Variants in FAM47E observed in about 807,000 individuals in gnomAD.
FAM47E encodes protein FAM47E.
A neutral mutation model predicts 41.6 loss-of-function variants in FAM47E; 32 were observed. That is an observed-to-expected ratio of 0.77 (90% CI 0.58 to 1.03). The LOEUF (loss-of-function observed/expected upper bound fraction) is 1.03, where lower values mean the gene tolerates loss of function less well. Among genes scored for constraint, FAM47E ranks in the 50% least tolerant of loss-of-function variants. The pLI, the probability that FAM47E is intolerant of heterozygous loss-of-function variation, is 0.00. For synonymous variants in FAM47E, 184 were observed against 188.7 expected, an observed-to-expected ratio of 0.98 and a Z score of 0.20; for missense variants, 424 against 485.4, an observed-to-expected ratio of 0.87 and a Z score of 1.19.
At chr4:76,261,835 G>C (rs1734431332) in intron 2 of FAM47E, among the ~76,000 whole-genome samples, 1 of 151,764 alleles carries the variant, frequency 6.6e-6, no homozygotes, top group Admixed American at 6.6e-5. Context: ...AGAATTAAAA[G>C]GTAAAATAAA....
intron 2 of FAM47E, among the ~76,000 whole-genome samples, chr4:76,218,694 G>A (rs750385144): frequency 1.3e-5 from 2 of 152,096 alleles, no homozygotes; most frequent in African/African-American, 2.4e-5. Flanking sequence ...ATTGAAACAC[G>A]GAACTAGGAG....
intron 2 of FAM47E, among the ~76,000 whole-genome samples, chr4:76,262,670 CT>C (rs1314549286): frequency 1.3e-5 from 2 of 152,100 alleles, no homozygotes; most frequent in South Asian, 2.1e-4. Context: ...AAGAGATGTC[CT>C]TTTTTGTTCA....
chr4:76,229,831 G>C (rs1290922158), intron 2 of FAM47E, among the ~76,000 whole-genome samples: 2 of 152,218 alleles, frequency 1.3e-5, no homozygotes, highest in African/African-American at 4.8e-5. Flanking sequence ...TAGCAGTGAA[G>C]TTTTTATGTG....
At chr4:76,228,642 C>A (rs976375720) in intron 2 of FAM47E, among the ~76,000 whole-genome samples, 2 of 152,044 alleles carry the variant, frequency 1.3e-5, no homozygotes, top group Non-Finnish European at 1.5e-5. Context: ...TTCTTGGCTG[C>A]CAATTATTTT....
intron 1 of FAM47E, among the ~76,000 whole-genome samples, chr4:76,216,245 C>T (rs1282056294): frequency 6.6e-6 from 1 of 152,196 alleles, no homozygotes; most frequent in African/African-American, 2.4e-5. Context: ...CCCACTAACC[C>T]TCACATGTCC....
chr4:76,256,434 C>T lies in FAM47E; in HGVS notation c.331C>T (p.Arg111Trp), dbSNP rs913328924. 2.0e-5 allele frequency: 31 copies of T among 1,552,122 alleles called. 1 individual carries two copies. Among genetic ancestry groups the T allele is most frequent in the Admixed American group, 9.8e-5 (5 of 51,010 alleles). Residue 111 changes from arginine to tryptophan, a missense_variant, in exon 2 of 8, where the codon CGG becomes TGG. Coordinates refer to ENST00000424749, the MANE Select transcript of FAM47E (RefSeq NM_001136570.3). ...LSKLSPAQQARKAFLEDVEAH... is the reference protein window; with the variant it reads ...LSKLSPAQQAWKAFLEDVEAH... ...CAAGCTCTCGCCAGCCCAGCAGGCTCGGAAGGCATTCCTGGAGGACGTGGA... is the reference window on the plus strand; with the variant it reads ...CAAGCTCTCGCCAGCCCAGCAGGCTTGGAAGGCATTCCTGGAGGACGTGGA...
At position 76,251,739 on chromosome 4, in the gene FAM47E, G is replaced by A. The variant is rs575222311; in HGVS notation, c.-8G>A. On this transcript the variant is annotated 5_prime_UTR_variant, in exon 1 of 8. Transcript: ENST00000424749. ...AGCCCGGACGGTGGCCGCGAAGCTA[G>A]GGCCACCATGGCGGACCGCAGGCGG... 9 of 1,478,450 alleles carry A rather than the reference G, an allele frequency of 6.1e-6. No homozygotes were observed. Among genetic ancestry groups the A allele is most frequent in the Admixed American group, 2.3e-5 (1 of 43,256 alleles). The allele number at this position is 1,478,450 out of a possible 1,614,324, so 91.6% of individuals were successfully genotyped here.
chr4:76,259,252 A>G (rs1734307538), intron 2 of FAM47E, among the ~76,000 whole-genome samples: 1 of 152,238 alleles, frequency 6.6e-6, no homozygotes, highest in South Asian at 2.1e-4. Context: ...AAGCTCAGCA[A>G]CCTTCTGAAC....
intron 2 of FAM47E, among the ~76,000 whole-genome samples, chr4:76,245,731 T>C (rs1446354087): frequency 3.9e-5 from 6 of 152,206 alleles, no homozygotes; most frequent in Non-Finnish European, 5.9e-5. Flanking sequence ...ACATCCCATC[T>C]ACTCTTCATG....
chr4:76,234,911 ACT>A (rs981082241), intron 2 of FAM47E, among the ~76,000 whole-genome samples: 2 of 152,102 alleles, frequency 1.3e-5, no homozygotes, highest in African/African-American at 4.8e-5. Flanking sequence ...ATAGAGCAAG[ACT>A]CTGTCTCTCA....
At chr4:76,275,868 G>A (rs1311391530) in intron 5 of FAM47E, among the ~76,000 whole-genome samples, 1 of 151,934 alleles carries the variant, frequency 6.6e-6, no homozygotes, top group African/African-American at 2.4e-5. Flanking sequence ...GTTCACATCT[G>A]AGGGCAATTT....
At chr4:76,215,692 G>A (rs1418803227) in intron 1 of FAM47E, among the ~76,000 whole-genome samples, 3 of 152,072 alleles carry the variant, frequency 2.0e-5, no homozygotes, top group African/African-American at 7.2e-5. Context: ...TGCTCTTGGA[G>A]CCTCAAGTCA....
intron 1 of FAM47E, chr4:76,217,519 C>G (rs1733229501): frequency 2.4e-6 from 1 of 423,030 alleles, no homozygotes; most frequent in East Asian, 3.4e-5. Flanking sequence ...CTCCTTCTCT[C>G]TCTAGCTTCC....
chr4:76,249,587 G>C (rs114330483), upstream of FAM47E, among the ~76,000 whole-genome samples: 303 of 150,558 alleles, frequency 2.0e-3, 2 homozygotes, highest in African/African-American at 6.9e-3. Context: ...TTTTTTTTTG[G>C]TTACATGAGT....
intron 2 of FAM47E, among the ~76,000 whole-genome samples, chr4:76,240,837 T>G (rs1423393677): frequency 6.6e-6 from 1 of 152,176 alleles, no homozygotes; most frequent in East Asian, 1.9e-4. Flanking sequence ...CTTCCTTTAG[T>G]TCTTTGGGTA....
chr4:76,259,937 C>A (rs1363060352), intron 2 of FAM47E, among the ~76,000 whole-genome samples: 2 of 152,038 alleles, frequency 1.3e-5, no homozygotes, highest in Non-Finnish European at 2.9e-5. Flanking sequence ...AGCTGACAAC[C>A]AAATCAAGAA....
intron 6 of FAM47E, chr4:76,278,970 GAAAGT>G (rs1489773861): frequency 6.6e-6 from 1 of 152,142 alleles, no homozygotes. Flanking sequence ...AACACTTTGA[GAAAGT>G]AAAATACAAT....
At chr4:76,233,792 T>G (rs1247491924) in intron 2 of FAM47E, among the ~76,000 whole-genome samples, 1 of 152,056 alleles carries the variant, frequency 6.6e-6, no homozygotes, top group South Asian at 2.1e-4. Flanking sequence ...GCCCCCAATA[T>G]GTAAAACCAG....
chr4:76,219,829 G>A (rs1262801847), intron 2 of FAM47E, among the ~76,000 whole-genome samples: 4 of 152,050 alleles, frequency 2.6e-5, no homozygotes, highest in Non-Finnish European at 5.9e-5. Context: ...TCTAACCACT[G>A]CACTCACCAC....
Sources: allele counts gnomAD v4.1 joint callset (sites outside exome capture counted in the v4.1 genomes callset), GRCh38; gene constraint gnomAD v4.1.1; transcripts MANE v1.5; gene names NCBI Gene and HGNC (gene_info 2026-07-23, HGNC 2026-07-21).